RRAGB: variants seen among roughly 807,000 people sequenced by gnomAD.
RRAGB encodes the protein Ras related GTP binding B.
A neutral mutation model predicts 29.3 loss-of-function variants in RRAGB; 6 were observed. The observed-to-expected ratio is 0.21, with a 90% confidence interval of 0.11 to 0.40. The LOEUF (loss-of-function observed/expected upper bound fraction) is 0.40. RRAGB is among the 10% of genes least tolerant of loss of function. The probability of loss-of-function intolerance (pLI) is 1.00; values close to 1 mark genes in which losing one functional copy is unlikely to be tolerated. For synonymous variants in RRAGB, 101 were observed against 92.5 expected, an observed-to-expected ratio of 1.09 and a Z score of -0.53; for missense variants, 184 against 272.9, an observed-to-expected ratio of 0.67 and a Z score of 2.29.
At chrX:55,720,680 A>C (rs1311248370) in intron 2 of RRAGB, among the ~76,000 whole-genome samples, 1 of 44,442 alleles carries the variant, frequency 2.3e-5, no homozygotes, top group Non-Finnish European at 4.9e-5. Context: ...GTCTGTACTA[A>C]ATATACCAAA....
chrX:55,727,351 A>G lies in RRAGB; in HGVS notation c.227-1943A>G, dbSNP rs765520095. ...TCTTCAAATTAATAGCAGTTTGAGC[A>G]CCTACTCTCTCGTAGACTCTGTTGG... On this transcript the variant is annotated intron_variant, in intron 3 of 9. Coordinates refer to ENST00000374941, the MANE Select transcript of RRAGB (RefSeq NM_006064.5). 1.0e-5 allele frequency: 10 copies of G among 966,266 alleles called. No homozygotes were observed. The highest frequency in any genetic ancestry group is 1.5e-5 in the Non-Finnish European group (10 of 672,348). The allele number at this position is 966,266 out of a possible 1,213,427, so 79.6% of individuals were successfully genotyped here. A position where few individuals can be genotyped will look rare whatever the true frequency, so the allele number is the denominator to read the frequency against.
chrX:55,733,138 T>C (rs1052908055), intron 5 of RRAGB, among the ~76,000 whole-genome samples: 29 of 111,402 alleles, frequency 2.6e-4, no homozygotes, highest in Non-Finnish European at 7.5e-5. Context: ...CCCGTTTCTG[T>C]GTCTCCAGTG....
rs1315697120 is a variant in RRAGB at position 55,717,858 on chromosome X, G to C, written c.-470G>C. 4.4e-5 allele frequency: 5 copies of C among 113,965 alleles called. No homozygotes were observed. The highest frequency in any genetic ancestry group is 1.8e-4 in the Admixed American group (2 of 10,870). 9.4% of individuals were successfully genotyped at this position (113,965 alleles called of 1,213,427 possible). On this transcript the variant is annotated 5_prime_UTR_variant, in exon 1 of 10. Coordinates refer to ENST00000374941, the MANE Select transcript of RRAGB (RefSeq NM_006064.5). ...TACTGCCCCCGCCGGCTGACTCTCCGAGCGGCCGGGCTCGGAAGCCACGAG... is the reference window on the plus strand; with the variant it reads ...TACTGCCCCCGCCGGCTGACTCTCCCAGCGGCCGGGCTCGGAAGCCACGAG...
At chrX:55,727,825 T>C (rs1383137117) in intron 3 of RRAGB, among the ~76,000 whole-genome samples, 1 of 112,075 alleles carries the variant, frequency 8.9e-6, no homozygotes, top group Admixed American at 9.5e-5. Flanking sequence ...TCCTAGACTT[T>C]GATAAATTTT....
At position 55,729,407 on chromosome X, in the gene RRAGB, G is replaced by A. The variant is rs764727475; in HGVS notation, c.293+47G>A. On this transcript the variant is annotated intron_variant, in intron 4 of 9. Transcript: ENST00000374941. The stretch of plus-strand genomic sequence containing the variant: ...GTTTGTGAAGCCGATGTCAGTAATC[G>A]TGGCATCTAGTATATCAGCATGGCG... The A allele has an allele frequency of 2.4e-5, 20 of 817,352 alleles. No individual in the cohort carries two copies. In the East Asian group the frequency reaches 2.8e-4, roughly 12 times the overall value. The allele number at this position is 817,352 out of a possible 1,213,427, so 67.4% of individuals were successfully genotyped here.
At chrX:55,757,000 C>T (rs758621761) in intron 8 of RRAGB, among the ~76,000 whole-genome samples, 11 of 111,949 alleles carry the variant, frequency 9.8e-5, no homozygotes, top group Non-Finnish European at 1.3e-4. Context: ...AAGTCAAGTC[C>T]TAGCCCACTT....
At chrX:55,755,953 G>A in intron 8 of RRAGB, 21 bp downstream of exon 8, 1 of 1,069,308 alleles carries the variant, frequency 9.4e-7, no homozygotes, top group African/African-American at 1.8e-5. Context: ...TAGTAGGAAT[G>A]ATCTGTTTAT....
Position 55,731,402 on chromosome X carries a change from G to A in RRAGB, c.332G>A (p.Arg111Gln), listed in dbSNP as rs773059000. The change falls in exon 5 of 10, where the codon CGG becomes CAG. Residue 111 changes from arginine (R) to glutamine (Q), a missense_variant. By Grantham distance (43) the Arg-to-Gln change is conservative. Transcript: ENST00000374941. ...TFMENYFTSQ[R>Q]DNIFRNVEVL... is the part of the protein sequence containing the mutation. ...ATGGAAAATTATTTCACTAGCCAAC[G>A]GGACAACATCTTCCGAAATGTGGAG... 14 of 1,208,440 alleles carry A rather than the reference G, an allele frequency of 1.2e-5. No individual in the cohort carries two copies. The South Asian group carries it at 1.2e-4, about 11-fold the overall frequency.
intron 7 of RRAGB, among the ~76,000 whole-genome samples, chrX:55,753,727 T>C (rs2034584143): frequency 8.9e-6 from 1 of 112,497 alleles, no homozygotes; most frequent in Non-Finnish European, 1.9e-5. Context: ...AACTTAGATT[T>C]TTCCAGGTAT....
intron 3 of RRAGB, among the ~76,000 whole-genome samples, chrX:55,727,595 C>T (rs921215123): frequency 3.6e-5 from 4 of 111,465 alleles, no homozygotes; most frequent in Admixed American, 9.5e-5. Flanking sequence ...GTGACTTGCC[C>T]AAGGTCACAT....
chrX:55,749,427 C>T (rs1443388483), intron 5 of RRAGB, among the ~76,000 whole-genome samples: 1 of 105,454 alleles, frequency 9.5e-6, no homozygotes, highest in Non-Finnish European at 2.0e-5. Flanking sequence ...GTCAGCCCCC[C>T]GCCCGGCCAG....
chrX:55,746,996 T>G (rs776740045), intron 5 of RRAGB, among the ~76,000 whole-genome samples: 1 of 112,389 alleles, frequency 8.9e-6, no homozygotes, highest in Non-Finnish European at 1.9e-5. Context: ...TTCTTTGGAG[T>G]ATAGCATAAT....
At chrX:55,747,450 G>GGC (rs944402567) in intron 5 of RRAGB, among the ~76,000 whole-genome samples, 49 of 111,428 alleles carry the variant, frequency 4.4e-4, no homozygotes, top group African/African-American at 1.3e-3. Flanking sequence ...TTTTTTTCAG[G>GGC]GCAGTCATAG....
rs200695297 is a variant in RRAGB at position 55,758,231 on chromosome X, C to T, written c.944-15C>T. On this transcript the variant is annotated splice_polypyrimidine_tract_variant and intron_variant, in intron 9 of 9. Coordinates refer to ENST00000374941, the MANE Select transcript of RRAGB (RefSeq NM_006064.5). ...CATACTTAATTCTGTTGGGTGTTTC[C>T]GCCCCCGCCCTCAGCTTCTGCAGCT... 161 of 1,161,086 alleles carry T rather than the reference C, an allele frequency of 1.4e-4. No homozygotes were observed. The East Asian group carries it at 2.9e-3, about 21-fold the overall frequency.
At chrX:55,738,632 C>T (rs1232606547) in intron 5 of RRAGB, among the ~76,000 whole-genome samples, 4 of 112,292 alleles carry the variant, frequency 3.6e-5, no homozygotes, top group Non-Finnish European at 5.6e-5. Flanking sequence ...AAGTTTTCTC[C>T]TTCTCAAGTG....
chrX:55,746,075 A>G (rs950088076), intron 5 of RRAGB, among the ~76,000 whole-genome samples: 8 of 111,355 alleles, frequency 7.2e-5, no homozygotes, highest in African/African-American at 2.6e-4. Flanking sequence ...GCTGGGAGGA[A>G]GATTAACAGT....
intron 5 of RRAGB, among the ~76,000 whole-genome samples, chrX:55,732,743 T>C (rs1042740159): frequency 8.9e-6 from 1 of 111,836 alleles, no homozygotes; most frequent in African/African-American, 3.2e-5. Flanking sequence ...ATAATTAATA[T>C]GGTTTTACTT....
chrX:55,739,144 T>A (rs752116343), intron 5 of RRAGB, among the ~76,000 whole-genome samples: 1 of 112,952 alleles, frequency 8.9e-6, no homozygotes, highest in African/African-American at 3.2e-5. Context: ...CAGTCTTTGT[T>A]AAGAATGCAA....
intron 5 of RRAGB, among the ~76,000 whole-genome samples, chrX:55,749,008 G>T (rs1362183440): frequency 1.0e-5 from 1 of 99,691 alleles, no homozygotes; most frequent in African/African-American, 3.7e-5. Context: ...CGGGAGGGAG[G>T]TGGGGGGGTC....
Sources: allele counts gnomAD v4.1 joint callset (sites outside exome capture counted in the v4.1 genomes callset), GRCh38; gene constraint gnomAD v4.1.1; transcripts MANE v1.5; gene names NCBI Gene and HGNC (gene_info 2026-07-23, HGNC 2026-07-21).